The following NRK variants were observed in gnomAD, a reference collection of about 807,000 sequenced individuals.
NRK encodes the protein nik-related protein kinase.
In NRK, 67 loss-of-function variants were observed where a neutral mutation model predicts 125.2. The observed-to-expected ratio is 0.54, with a 90% CI of 0.44 to 0.66. NRK has a LOEUF of 0.66. Among genes scored for constraint, NRK ranks in the 30% least tolerant of loss-of-function variants. The pLI is 0.00. For synonymous variants in NRK, 458 were observed against 429.0 expected (o/e 1.07, Z -0.84); for missense variants, 1,224 against 1,192.9 (o/e 1.03, Z -0.38).
chrX:105,932,993 G>A (rs965730115), intron 19 of NRK, among the ~76,000 whole-genome samples: 1 of 110,974 alleles, frequency 9.0e-6, no homozygotes, highest in Non-Finnish European at 1.9e-5. Context: ...ATGATTATTT[G>A]TCTACCAACT....
At chrX:105,841,011 T>C (rs1218343692) in intron 2 of NRK, among the ~76,000 whole-genome samples, 2 of 110,942 alleles carry the variant, frequency 1.8e-5, no homozygotes, top group Non-Finnish European at 3.8e-5. Context: ...CCTCATCACA[T>C]TTCATGAAAC....
At chrX:105,847,868 G>C (rs775024392) in intron 2 of NRK, among the ~76,000 whole-genome samples, 21 of 111,815 alleles carry the variant, frequency 1.9e-4, no homozygotes, top group African/African-American at 6.5e-4. Context: ...CATGAGGTGA[G>C]TGACCAGGGA....
intron 5 of NRK, among the ~76,000 whole-genome samples, chrX:105,891,982 T>C (rs758680344): frequency 5.4e-5 from 6 of 111,892 alleles, no homozygotes; most frequent in South Asian, 3.7e-4. Context: ...CTTGATAGTA[T>C]AGCAAAGTGT....
intron 2 of NRK, among the ~76,000 whole-genome samples, chrX:105,845,604 G>A (rs1178178824): frequency 8.9e-6 from 1 of 111,865 alleles, no homozygotes; most frequent in Non-Finnish European, 1.9e-5. Context: ...TACTTTATTT[G>A]CCAACCTTAC....
chrX:105,901,929 T>C (rs762897507), intron 9 of NRK, among the ~76,000 whole-genome samples: 1 of 110,816 alleles, frequency 9.0e-6, no homozygotes, highest in South Asian at 3.9e-4. Flanking sequence ...TAGATTATGT[T>C]AAATTGAGCA....
Position 105,934,439 on chromosome X carries a change from C to T in NRK, c.3494C>T (p.Ala1165Val), listed in dbSNP as rs376184549. Residue 1165 changes from alanine (A) to valine (V), a missense_variant, in exon 20 of 29, where the codon GCC (alanine) becomes GTC (valine). Transcript: ENST00000243300. ...TCTGCTGATGCTAACTTTGCCAGTG[C>T]CATCTGTGAGTGTGTTCAATGTAAT... ...GMSADANFAS[A>V]ILYAGFVEVP... is the part of the protein sequence containing the mutation. The T allele has an allele frequency of 2.6e-6, 3 of 1,174,511 alleles. No homozygotes were observed. The highest frequency in any genetic ancestry group is 3.5e-6 in the Non-Finnish European group (3 of 865,261).
At chrX:105,838,693 A>C (rs1368783896) in intron 2 of NRK, among the ~76,000 whole-genome samples, 1 of 110,672 alleles carries the variant, frequency 9.0e-6, no homozygotes, top group Non-Finnish European at 1.9e-5. Flanking sequence ...TGGTGGAAGA[A>C]AGGGACCACC....
rs476347 is a variant in NRK at position 105,897,518 on chromosome X, T to G, written c.581-1066T>G. 6.7e-3 allele frequency among the ~76,000 whole-genome samples: 755 copies of G among 112,065 alleles called. 7 individuals are homozygous for G. The highest frequency in any genetic ancestry group is 0.058 in the South Asian group (154 of 2,665). ...TCTCTTTCTCTTGCTCTTTTTTCTTTTCTTCTATTAATCAGTCTTCTAGTC... is the reference window on the plus strand; with the variant it reads ...TCTCTTTCTCTTGCTCTTTTTTCTTGTCTTCTATTAATCAGTCTTCTAGTC... On this transcript the variant is annotated intron_variant, in intron 7 of 28. Coordinates refer to ENST00000243300, the MANE Select transcript of NRK (RefSeq NM_198465.4).
intron 13 of NRK, among the ~76,000 whole-genome samples, chrX:105,910,877 G>A (rs1489619868): frequency 9.0e-6 from 1 of 111,652 alleles, no homozygotes; most frequent in Non-Finnish European, 1.9e-5. Context: ...TCACTGGTAT[G>A]CAAGACCTGA....
At chrX:105,898,845 T>TA in intron 8 of NRK, 131 bp downstream of exon 8, 1 of 465,915 alleles carries the variant, frequency 2.1e-6, no homozygotes, top group Middle Eastern at 5.6e-4. Flanking sequence ...TAGTAGGAAA[T>TA]ACAAGCCTCT....
chrX:105,829,721 T>G (rs2039160968), intron 1 of NRK, among the ~76,000 whole-genome samples: 1 of 111,767 alleles, frequency 8.9e-6, no homozygotes, highest in Non-Finnish European at 1.9e-5. Context: ...CATTTAGGGT[T>G]AAGCCACAGA....
At chrX:105,921,421 T>C (rs1323164123) in intron 16 of NRK, among the ~76,000 whole-genome samples, 1 of 106,505 alleles carries the variant, frequency 9.4e-6, no homozygotes, top group Non-Finnish European at 1.9e-5. Flanking sequence ...GCATGGCACA[T>C]GTATACATAT....
intron 28 of NRK, among the ~76,000 whole-genome samples, chrX:105,953,788 G>A: frequency 9.0e-6 from 1 of 111,633 alleles, no homozygotes; most frequent in Admixed American, 9.6e-5. Context: ...CATGGTGTAA[G>A]ATTATTACCA....
intron 16 of NRK, 107 bp downstream of exon 16, chrX:105,917,779 G>C: frequency 2.3e-6 from 1 of 433,608 alleles, no homozygotes; most frequent in Non-Finnish European, 3.8e-6. Flanking sequence ...TGAATCAAAA[G>C]TGTCAGGGAG....
intron 2 of NRK, among the ~76,000 whole-genome samples, chrX:105,855,977 T>C (rs2039526872): frequency 8.9e-6 from 1 of 111,898 alleles, no homozygotes; most frequent in Admixed American, 9.5e-5. Flanking sequence ...AAAGGAAAAT[T>C]TGTGGTTGTA....
At chrX:105,893,374 CT>C (rs745527337) in intron 5 of NRK, among the ~76,000 whole-genome samples, 27 of 111,481 alleles carry the variant, frequency 2.4e-4, no homozygotes, top group African/African-American at 8.1e-4. Context: ...GAAATGTAAA[CT>C]CTTTTGAGAC....
At chrX:105,899,734 G>A (rs1257309856) in intron 8 of NRK, among the ~76,000 whole-genome samples, 3 of 111,217 alleles carry the variant, frequency 2.7e-5, no homozygotes, top group African/African-American at 6.5e-5. Context: ...GTTAACCTCC[G>A]AGGCCGCAGA....
At chrX:105,900,418 G>A (rs1011806) in intron 8 of NRK, among the ~76,000 whole-genome samples, 200 bp from the exon 9 acceptor site, 1 of 111,688 alleles carries the variant, frequency 9.0e-6, no homozygotes, top group Admixed American at 9.5e-5. Flanking sequence ...TCAACCTGTT[G>A]TGTAGTGAGG....
At chrX:105,857,107 A>G (rs892427936) in intron 2 of NRK, among the ~76,000 whole-genome samples, 8 of 111,731 alleles carry the variant, frequency 7.2e-5, no homozygotes, top group African/African-American at 2.0e-4. Flanking sequence ...TGAGACAATA[A>G]CCAGCATATT....
Sources: allele counts gnomAD v4.1 joint callset (sites outside exome capture counted in the v4.1 genomes callset), GRCh38; gene constraint gnomAD v4.1.1; transcripts MANE v1.5; gene names NCBI Gene and HGNC (gene_info 2026-07-23, HGNC 2026-07-21).